The following DPYD variants were observed in gnomAD, a reference collection of about 807,000 sequenced individuals.
The protein encoded by DPYD is dihydropyrimidine dehydrogenase, also known as dihydropyrimidine dehydrogenase [NADP(+)].
DPYD carries 109 observed loss-of-function variants against 116.2 expected under a neutral mutation model. The observed-to-expected ratio is 0.94, with a 90% CI of 0.80 to 1.10. The LOEUF (loss-of-function observed/expected upper bound fraction) is 1.10. DPYD is among the 50% of genes least tolerant of loss of function. DPYD has a pLI of 0.00. For missense variants in DPYD, 1,302 were observed against 1,254.5 expected, an observed-to-expected ratio of 1.04 and a Z score of -0.57; for synonymous variants, 440 against 432.0, an observed-to-expected ratio of 1.02 and a Z score of -0.23.
Position 97,494,142 on chromosome 1 carries a change from C to G in DPYD, c.1740+21584G>C, listed in dbSNP as rs1679122450. 2.0e-5 allele frequency among the ~76,000 whole-genome samples: 3 copies of G among 152,288 alleles called. No individual in the cohort carries two copies. In the South Asian group the frequency reaches 6.2e-4, roughly 32 times the overall value. On this transcript the variant is annotated intron_variant, in intron 13 of 22. Transcript: ENST00000370192. Reference sequence around the variant, plus strand: ...CAATAACTACCCAATGCTAGTTTCACAGAGGAAAATGGACCTGGTATACAG... The same window carrying G: ...CAATAACTACCCAATGCTAGTTTCAGAGAGGAAAATGGACCTGGTATACAG...
chr1:97,725,699 A>C (rs1663217002), intron 4 of DPYD, among the ~76,000 whole-genome samples: 1 of 151,710 alleles, frequency 6.6e-6, no homozygotes, highest in African/African-American at 2.4e-5. Flanking sequence ...AATTGGAAAG[A>C]ATATTCATTT....
intron 3 of DPYD, among the ~76,000 whole-genome samples, chr1:97,809,206 T>C (rs1206851694): frequency 6.6e-6 from 1 of 152,216 alleles, no homozygotes; most frequent in African/African-American, 2.4e-5. Flanking sequence ...GGATACCAGT[T>C]ACAAGAGTAA....
At chr1:97,218,488 A>G (rs1339576728) in intron 19 of DPYD, among the ~76,000 whole-genome samples, 3 of 151,694 alleles carry the variant, frequency 2.0e-5, no homozygotes, top group Non-Finnish European at 4.4e-5. Context: ...TTTTTGGTCT[A>G]GAGCTGGAGT....
chr1:97,828,664 C>T (rs1433357081), intron 2 of DPYD, among the ~76,000 whole-genome samples: 2 of 148,316 alleles, frequency 1.3e-5, no homozygotes, highest in Non-Finnish European at 3.0e-5. Context: ...GGATAGAGCA[C>T]AGATATAATA....
chr1:97,499,976 G>T (rs1679484985), intron 13 of DPYD, among the ~76,000 whole-genome samples: 1 of 151,886 alleles, frequency 6.6e-6, no homozygotes, highest in Non-Finnish European at 1.5e-5. Flanking sequence ...GGTCTCTTAT[G>T]AAGAGGCAAT....
intron 14 of DPYD, among the ~76,000 whole-genome samples, chr1:97,412,764 A>C (rs1674082056): frequency 6.6e-6 from 1 of 152,230 alleles, no homozygotes; most frequent in Non-Finnish European, 1.5e-5. Flanking sequence ...ATTAGAATAA[A>C]GCAAGAACAG....
chr1:97,711,948 C>G (rs1214571850), intron 5 of DPYD, among the ~76,000 whole-genome samples: 1 of 151,874 alleles, frequency 6.6e-6, no homozygotes, highest in East Asian at 1.9e-4. Context: ...TAAAGAATAA[C>G]TCTTAGTAGA....
At chr1:97,227,596 T>A (rs934957207) in intron 19 of DPYD, among the ~76,000 whole-genome samples, 2 of 151,750 alleles carry the variant, frequency 1.3e-5, no homozygotes, top group African/African-American at 4.8e-5. Context: ...ACTGATCAAT[T>A]ACATTATACT....
intron 1 of DPYD, among the ~76,000 whole-genome samples, chr1:97,897,789 C>T (rs1392175801): frequency 6.6e-6 from 1 of 151,818 alleles, no homozygotes; most frequent in Admixed American, 6.6e-5. Flanking sequence ...ATGTTCTTCT[C>T]TGCTAATTTA....
At chr1:97,770,213 AC>A (rs1431842273) in intron 3 of DPYD, among the ~76,000 whole-genome samples, 1 of 152,190 alleles carries the variant, frequency 6.6e-6, no homozygotes, top group Non-Finnish European at 1.5e-5. Context: ...GTATGACTTT[AC>A]CATCGCAACA....
At chr1:97,488,883 A>T (rs1006489971) in intron 13 of DPYD, among the ~76,000 whole-genome samples, 1 of 152,184 alleles carries the variant, frequency 6.6e-6, no homozygotes, top group African/African-American at 2.4e-5. Context: ...TGACTGCAGA[A>T]CTGCCTCTCA....
At chr1:97,374,607 T>G (rs1671495859) in intron 15 of DPYD, among the ~76,000 whole-genome samples, 1 of 147,760 alleles carries the variant, frequency 6.8e-6, no homozygotes, top group Middle Eastern at 3.6e-3. Context: ...TAGTCCCAGC[T>G]ACTCAGGAGG....
chr1:97,215,149 C>T (rs1660293229), intron 19 of DPYD, among the ~76,000 whole-genome samples: 1 of 152,132 alleles, frequency 6.6e-6, no homozygotes, highest in Middle Eastern at 3.2e-3. Flanking sequence ...GTTGTGAATC[C>T]TCACAACCAT....
At chr1:97,225,083 G>T (rs145582831) in intron 19 of DPYD, among the ~76,000 whole-genome samples, 1 of 151,184 alleles carries the variant, frequency 6.6e-6, no homozygotes, top group African/African-American at 2.4e-5. Context: ...TATATGTAGT[G>T]CTGATTTCAT....
chr1:97,673,676 C>T (rs1306634318), intron 8 of DPYD, among the ~76,000 whole-genome samples: 3 of 151,922 alleles, frequency 2.0e-5, no homozygotes, highest in African/African-American at 4.8e-5. Context: ...TGCTATACTA[C>T]AGTAAAAAGT....
chr1:97,271,597 C>T (rs549319908), intron 18 of DPYD, among the ~76,000 whole-genome samples: 1 of 152,294 alleles, frequency 6.6e-6, no homozygotes, highest in South Asian at 2.1e-4. Context: ...ATATTCTCCA[C>T]ATTCTGCCGA....
At chr1:97,372,830 G>A (rs556804316) in intron 16 of DPYD, among the ~76,000 whole-genome samples, 12 of 151,994 alleles carry the variant, frequency 7.9e-5, no homozygotes, top group South Asian at 2.1e-4. Flanking sequence ...TAGACAATCC[G>A]TCAGAAATTA....
intron 1 of DPYD, among the ~76,000 whole-genome samples, chr1:97,903,492 G>A (rs138141090): frequency 1.3e-5 from 2 of 151,866 alleles, no homozygotes; most frequent in Non-Finnish European, 2.9e-5. Flanking sequence ...ATCTTGAAAT[G>A]GTCAAAACAT....
At chr1:97,895,698 G>C (rs569670062) in intron 1 of DPYD, among the ~76,000 whole-genome samples, 76 of 151,754 alleles carry the variant, frequency 5.0e-4, no homozygotes, top group Non-Finnish European at 9.1e-4. Context: ...GTGAGTTGAG[G>C]AGTTGGACTA....
Sources: gnomAD v4.1 joint callset for allele counts (sites outside exome capture counted in the v4.1 genomes callset) on GRCh38, gnomAD v4.1.1 for gene constraint, MANE v1.5 for transcripts, NCBI Gene and HGNC (gene_info 2026-07-23, HGNC 2026-07-21) for gene names.